Variants in SLC25A21 observed in about 807,000 individuals in gnomAD.
SLC25A21 encodes the protein solute carrier family 25 member 21, also known as mitochondrial 2-oxodicarboxylate carrier.
SLC25A21 carries 47 observed loss-of-function variants against 43.8 expected under a neutral mutation model. The observed-to-expected ratio is 1.07, with a 90% CI of 0.85 to 1.37. SLC25A21 has a LOEUF of 1.37. SLC25A21 is among the 40% of genes most tolerant of loss of function. The pLI, the probability that SLC25A21 is intolerant of heterozygous loss-of-function variation, is 0.00. For missense variants in SLC25A21, 352 were observed against 350.2 expected (o/e 1.00, Z -0.04); for synonymous variants, 131 against 121.3 (o/e 1.08, Z -0.52).
At chr14:36,710,418 AAAAAAGAAAGAAAGAAAGAAAG>A (rs1340591222) in intron 7 of SLC25A21, among the ~76,000 whole-genome samples, 3 of 151,720 alleles carry the variant, frequency 2.0e-5, no homozygotes, top group Non-Finnish European at 4.4e-5. Flanking sequence ...AAACGGGGAA[AAAAAAGAAAGAAAGAAAGAAAG>A]AAAAAGAAAG....
chr14:36,865,697 C>T (rs974251973), intron 2 of SLC25A21, among the ~76,000 whole-genome samples: 1 of 152,068 alleles, frequency 6.6e-6, no homozygotes, highest in Non-Finnish European at 1.5e-5. Flanking sequence ...AGTCTGGGTT[C>T]GCTGCATAAG....
At chr14:36,927,336 G>T (rs552210170) in intron 1 of SLC25A21, among the ~76,000 whole-genome samples, 11 of 152,098 alleles carry the variant, frequency 7.2e-5, no homozygotes, top group Non-Finnish European at 2.9e-5. Flanking sequence ...TTAGACATAC[G>T]AACAAATCTG....
intron 2 of SLC25A21, among the ~76,000 whole-genome samples, chr14:36,873,157 G>T (rs1161925897): frequency 1.3e-5 from 2 of 152,094 alleles, no homozygotes; most frequent in African/African-American, 2.4e-5. Flanking sequence ...CTCAAAGAAG[G>T]TTAACATGGA....
chr14:36,927,937 A>C (rs943879404), intron 1 of SLC25A21, among the ~76,000 whole-genome samples: 1 of 152,196 alleles, frequency 6.6e-6, no homozygotes, highest in South Asian at 2.1e-4. Context: ...CATTTGCTGT[A>C]TATCAACTGG....
At chr14:36,977,826 C>T (rs941778043) in intron 1 of SLC25A21, among the ~76,000 whole-genome samples, 17 of 152,130 alleles carry the variant, frequency 1.1e-4, no homozygotes, top group African/African-American at 3.6e-4. Flanking sequence ...AGGACAAACA[C>T]ATACCATCAG....
chr14:37,036,958 C>G (rs1163300226), intron 1 of SLC25A21, among the ~76,000 whole-genome samples: 1 of 152,186 alleles, frequency 6.6e-6, no homozygotes, highest in Non-Finnish European at 1.5e-5. Flanking sequence ...TTAGCTAGCC[C>G]TGTCACTGGG....
chr14:36,911,891 G>T (rs712392), intron 1 of SLC25A21, among the ~76,000 whole-genome samples: 37,243 of 152,060 alleles, frequency 0.24, 5,538 homozygotes, highest in East Asian at 0.61. Flanking sequence ...AATCAGCTTG[G>T]CTATAAAGTG....
At chr14:37,088,695 A>C (rs1021992800) in intron 1 of SLC25A21, among the ~76,000 whole-genome samples, 3 of 152,246 alleles carry the variant, frequency 2.0e-5, no homozygotes, top group African/African-American at 7.2e-5. Flanking sequence ...AGGTCTCCTT[A>C]ATAAATGCCA....
intron 9 of SLC25A21, among the ~76,000 whole-genome samples, chr14:36,681,850 CTTCTCTAGGCCTCTTGGA>C (rs1434800194): frequency 2.0e-5 from 3 of 152,142 alleles, no homozygotes; most frequent in Non-Finnish European, 4.4e-5. Flanking sequence ...TCCCTCTTAG[CTTCTCTAGGCCTCTTGGA>C]ACTCTGGCAA....
intron 1 of SLC25A21, among the ~76,000 whole-genome samples, chr14:36,989,565 T>C (rs1960219222): frequency 6.6e-6 from 1 of 152,006 alleles, no homozygotes; most frequent in African/African-American, 2.4e-5. Context: ...TTTAATCACA[T>C]TATTTATGAA....
At chr14:37,077,641 G>A (rs1163196080) in intron 1 of SLC25A21, among the ~76,000 whole-genome samples, 1 of 152,128 alleles carries the variant, frequency 6.6e-6, no homozygotes, top group East Asian at 1.9e-4. Context: ...TAATTTACAT[G>A]TCATTAGCAA....
intron 1 of SLC25A21, among the ~76,000 whole-genome samples, chr14:37,104,370 G>T (rs1962874200): frequency 6.6e-6 from 1 of 152,140 alleles, no homozygotes; most frequent in South Asian, 2.1e-4. Flanking sequence ...AATTGAGCAA[G>T]AAATATTTGT....
chr14:36,688,180 A>G (rs949858816), intron 7 of SLC25A21, among the ~76,000 whole-genome samples: 1 of 152,144 alleles, frequency 6.6e-6, no homozygotes, highest in Non-Finnish European at 1.5e-5. Context: ...ACCTATAGCA[A>G]TCTCACTGCC....
intron 1 of SLC25A21, among the ~76,000 whole-genome samples, chr14:37,018,529 T>G (rs1960912435): frequency 6.6e-6 from 1 of 152,022 alleles, no homozygotes; most frequent in Non-Finnish European, 1.5e-5. Context: ...CATCTCCTCT[T>G]TCGTATTCCC....
chr14:36,750,871 C>T (rs1885680829), intron 3 of SLC25A21, among the ~76,000 whole-genome samples: 1 of 152,122 alleles, frequency 6.6e-6, no homozygotes. Context: ...TGAGGGTCTT[C>T]ACTGTTTTTG....
At chr14:37,171,776 C>G (rs1213405155) in intron 1 of SLC25A21, 1 of 153,834 alleles carries the variant, frequency 6.5e-6, no homozygotes, top group Non-Finnish European at 1.4e-5. Flanking sequence ...ATTTTAATAT[C>G]CTTATTTAAG....
chr14:37,078,667 G>A (rs1322403990), intron 1 of SLC25A21, among the ~76,000 whole-genome samples: 1 of 152,128 alleles, frequency 6.6e-6, no homozygotes, highest in Non-Finnish European at 1.5e-5. Context: ...ATCTCCAAAG[G>A]ATTTGAAAAA....
intron 7 of SLC25A21, among the ~76,000 whole-genome samples, chr14:36,696,363 A>G (rs1883024307): frequency 6.6e-6 from 1 of 152,136 alleles, no homozygotes; most frequent in African/African-American, 2.4e-5. Flanking sequence ...ACTGGTCTGA[A>G]ATTCTCTTTT....
At chr14:36,829,450 T>G (rs1888955803) in intron 2 of SLC25A21, among the ~76,000 whole-genome samples, 1 of 151,416 alleles carries the variant, frequency 6.6e-6, no homozygotes, top group South Asian at 2.1e-4. Flanking sequence ...AGATAAAGAG[T>G]TTTCATCTTT....
Sources: gnomAD v4.1 joint callset for allele counts (sites outside exome capture counted in the v4.1 genomes callset) on GRCh38, gnomAD v4.1.1 for gene constraint, MANE v1.5 for transcripts, NCBI Gene and HGNC (gene_info 2026-07-23, HGNC 2026-07-21) for gene names.